MEGF10: variants seen among roughly 807,000 people sequenced by gnomAD.
MEGF10 encodes multiple epidermal growth factor-like domains protein 10.
Under a neutral mutation model 147.5 loss-of-function variants are expected in MEGF10, and 86 were observed. The ratio of observed to expected loss-of-function variants is 0.58; its 90% confidence interval spans 0.49 to 0.70. The LOEUF (loss-of-function observed/expected upper bound fraction) is 0.70. Ranked by LOEUF, MEGF10 falls within the 30% of genes least tolerant of loss-of-function variation. The pLI is 0.00. For missense variants in MEGF10, 1,329 were observed against 1,487.3 expected (o/e 0.89, Z 1.75); for synonymous variants, 478 against 525.5 (o/e 0.91, Z 1.24).
At chr5:127,341,134 T>C (rs1761666997) in intron 4 of MEGF10, among the ~76,000 whole-genome samples, 1 of 152,138 alleles carries the variant, frequency 6.6e-6, no homozygotes, top group African/African-American at 2.4e-5. Flanking sequence ...ATTGTCATTT[T>C]CCCTCTTCTC....
chr5:127,374,817 A>G (rs1490743946), intron 5 of MEGF10, among the ~76,000 whole-genome samples: 2 of 152,212 alleles, frequency 1.3e-5, no homozygotes, highest in African/African-American at 4.8e-5. Context: ...AATGTCTTTC[A>G]TGTAATTGGT....
At chr5:127,245,346 A>T in the MEGF10 span, among the ~76,000 whole-genome samples, 1 of 152,216 alleles carries the variant, frequency 6.6e-6, no homozygotes, top group Admixed American at 6.5e-5. Context: ...GACAAAACAC[A>T]AGGAATGGGG....
At position 127,303,371 on chromosome 5, in the gene MEGF10, G is replaced by C. The variant is rs1026152752; in HGVS notation, c.-19+12315G>C. The stretch of plus-strand genomic sequence containing the variant: ...AAAAAAAAAAGCAATAAGGTTGGAA[G>C]TGTAGGTTGGAGCCAAGTAGGGAAG... On this transcript the variant is annotated intron_variant, in intron 1 of 24. Transcript: ENST00000503335. Among the ~76,000 whole-genome samples the C allele has an allele frequency of 5.4e-5, 8 of 149,464 alleles. No homozygotes were observed. In the South Asian group the frequency reaches 1.5e-3, roughly 28 times the overall value.
intron 13 of MEGF10, chr5:127,424,564 C>A: frequency 7.2e-7 from 1 of 1,391,484 alleles, no homozygotes; most frequent in South Asian, 1.7e-5. Context: ...ATGTTGAGAG[C>A]TTCTTTGGTT....
chr5:127,296,191 CT>C, intron 1 of MEGF10, among the ~76,000 whole-genome samples: 1 of 152,144 alleles, frequency 6.6e-6, no homozygotes. Flanking sequence ...TGTTATTTTA[CT>C]TTATAGAACT....
At chr5:127,351,874 T>C (rs1762101530) in intron 4 of MEGF10, among the ~76,000 whole-genome samples, 1 of 152,178 alleles carries the variant, frequency 6.6e-6, no homozygotes, top group African/African-American at 2.4e-5. Context: ...CATTTTAACA[T>C]TTACAAAGGT....
chr5:127,417,805 G>T lies in MEGF10; in HGVS notation c.1298G>T (p.Gly433Val). 1 of 1,613,794 alleles carries T rather than the reference G, an allele frequency of 6.2e-7. No homozygotes were observed. Among genetic ancestry groups the T allele is most frequent in the Non-Finnish European group, 8.5e-7 (1 of 1,179,968 alleles). Residue 433 changes from glycine (G) to valine (V), a missense_variant, in exon 10 of 25, where the codon GGA (glycine) becomes GTA (valine). Around this residue, in one of 3 missense-constraint regions of MEGF10, gnomAD observed 980 missense variants for 1,085.9 expected, o/e 0.90. Coordinates refer to ENST00000503335, the MANE Select transcript of MEGF10 (RefSeq NM_001256545.2). ...ACTGGAAAGTGCACCTGTGCCCCAGGATTCAAAGTGAGTGACTAGGGCTCT... is the reference window on the plus strand; with the variant it reads ...ACTGGAAAGTGCACCTGTGCCCCAGTATTCAAAGTGAGTGACTAGGGCTCT... ...SVTGKCTCAPGFKGIDCSTPC... is the reference protein window; with the variant it reads ...SVTGKCTCAPVFKGIDCSTPC...
intron 13 of MEGF10, among the ~76,000 whole-genome samples, chr5:127,432,216 A>G (rs1275887066): frequency 6.6e-6 from 1 of 152,186 alleles, no homozygotes; most frequent in Non-Finnish European, 1.5e-5. Flanking sequence ...AGGAACAGTA[A>G]AAAGTGGATC....
chr5:127,276,315 G>A, the MEGF10 span, among the ~76,000 whole-genome samples: 1 of 152,234 alleles, frequency 6.6e-6, no homozygotes, highest in Admixed American at 6.5e-5. Context: ...TAATATCCCA[G>A]AGGGTAGTTG....
chr5:127,423,697 C>T (rs1052004065), intron 13 of MEGF10, among the ~76,000 whole-genome samples: 3 of 151,942 alleles, frequency 2.0e-5, no homozygotes, highest in Non-Finnish European at 4.4e-5. Flanking sequence ...TATATAAATC[C>T]CTGCTCAGAC....
rs1561581149 is a variant in MEGF10 at position 127,340,643 on chromosome 5, G to A, written c.319+13G>A. On this transcript the variant is annotated intron_variant, in intron 4 of 24. Coordinates refer to ENST00000503335, the MANE Select transcript of MEGF10 (RefSeq NM_001256545.2). Reference sequence around the variant, plus strand: ...GAAATGTGTGTCCGTAAGTAAGACTGTCACCCCTTTGAGATTCGCTAGTTT... The same window carrying A: ...GAAATGTGTGTCCGTAAGTAAGACTATCACCCCTTTGAGATTCGCTAGTTT... 1 of 1,604,902 alleles carries A rather than the reference G, an allele frequency of 6.2e-7. No individual in the cohort carries two copies. The highest frequency in any genetic ancestry group is 1.7e-5 in the Admixed American group (1 of 59,888).
intron 2 of MEGF10, among the ~76,000 whole-genome samples, chr5:127,333,059 G>T (rs1018099757): frequency 9.2e-5 from 14 of 152,242 alleles, no homozygotes; most frequent in African/African-American, 3.4e-4. Flanking sequence ...AAAAGAAAGA[G>T]ATTTGATTTG....
the MEGF10 span, among the ~76,000 whole-genome samples, chr5:127,275,209 G>T: frequency 2.9e-4 from 44 of 152,290 alleles, no homozygotes; most frequent in Non-Finnish European, 4.4e-5. Context: ...TATCAAAAAG[G>T]AAAGTTTCTA....
chr5:127,364,698 G>A (rs1447029706), intron 4 of MEGF10, among the ~76,000 whole-genome samples: 1 of 152,164 alleles, frequency 6.6e-6, no homozygotes, highest in Non-Finnish European at 1.5e-5. Context: ...TAAAAGTGTG[G>A]GGAAGATAAA....
chr5:127,242,509 C>T, the MEGF10 span, among the ~76,000 whole-genome samples: 3 of 152,204 alleles, frequency 2.0e-5, no homozygotes, highest in African/African-American at 4.8e-5. Context: ...TGTATAAGTT[C>T]GGATCTTAAA....
intron 5 of MEGF10, among the ~76,000 whole-genome samples, chr5:127,380,947 G>A (rs73346905): frequency 0.01 from 1,569 of 152,212 alleles, 27 homozygotes; most frequent in African/African-American, 0.036. Context: ...TGTGTGTCTC[G>A]GAGTTCTTCA....
intron 1 of MEGF10, among the ~76,000 whole-genome samples, chr5:127,326,793 G>A (rs867170295): frequency 6.6e-5 from 10 of 152,162 alleles, no homozygotes; most frequent in African/African-American, 2.2e-4. Context: ...GAATCTTAGC[G>A]ATATGTGAGT....
chr5:127,305,645 G>A (rs543074222), intron 1 of MEGF10, among the ~76,000 whole-genome samples: 1 of 152,076 alleles, frequency 6.6e-6, no homozygotes, highest in Non-Finnish European at 1.5e-5. Flanking sequence ...AGACAAAAAA[G>A]CTTGTGATGT....
chr5:127,398,004 G>A (rs1002073510), intron 6 of MEGF10, among the ~76,000 whole-genome samples: 60 of 148,404 alleles, frequency 4.0e-4, no homozygotes, highest in African/African-American at 1.4e-3. Flanking sequence ...TCATAAGTGG[G>A]AGTTGAACAA....
Sources: allele counts gnomAD v4.1 joint callset (sites outside exome capture counted in the v4.1 genomes callset), GRCh38; gene constraint gnomAD v4.1.1; regional missense constraint gnomAD v4.1.1; transcripts MANE v1.5; gene names NCBI Gene and HGNC (gene_info 2026-07-23, HGNC 2026-07-21).